NLRP14: variants seen among roughly 807,000 people sequenced by gnomAD.
NLRP14 encodes the protein NLR family pyrin domain containing 14.
A neutral mutation model predicts 94.7 loss-of-function variants in NLRP14; 105 were observed. The observed-to-expected ratio is 1.11, with a 90% CI of 0.95 to 1.30. NLRP14 has a LOEUF of 1.30. NLRP14 is among the 50% of genes most tolerant of loss of function. NLRP14 has a pLI of 0.00. For synonymous variants in NLRP14, 508 were observed against 459.9 expected, an observed-to-expected ratio of 1.10 and a Z score of -1.34; for missense variants, 1,362 against 1,254.1, an observed-to-expected ratio of 1.09 and a Z score of -1.30.
At chr11:7,021,044 C>T (rs1167875077) in intron 1 of NLRP14, among the ~76,000 whole-genome samples, 4 of 152,142 alleles carry the variant, frequency 2.6e-5, no homozygotes, top group African/African-American at 9.7e-5. Flanking sequence ...GGGCCCTGTC[C>T]TTCAAACTTG....
At chr11:7,051,810 A>G (rs958923288) in intron 6 of NLRP14, among the ~76,000 whole-genome samples, 1 of 152,078 alleles carries the variant, frequency 6.6e-6, no homozygotes, top group Non-Finnish European at 1.5e-5. Flanking sequence ...TTTAGTAGAG[A>G]TGGGGTTTCA....
chr11:7,061,559 G>A (rs1007620833), intron 9 of NLRP14, among the ~76,000 whole-genome samples: 2 of 152,018 alleles, frequency 1.3e-5, no homozygotes, highest in African/African-American at 4.8e-5. Context: ...TTAAGGTGAT[G>A]CTTTTGTCCC....
At chr11:7,057,608 A>T in intron 6 of NLRP14, 69 bp from the exon 7 acceptor site, 1 of 1,409,438 alleles carries the variant, frequency 7.1e-7, no homozygotes, top group Non-Finnish European at 1.0e-6. Flanking sequence ...TACCTTTGGG[A>T]TCGGTAGGTG....
chr11:7,059,840 T>C lies in NLRP14; in HGVS notation c.2634-54T>C, dbSNP rs930162191. The C allele has an allele frequency of 4.8e-6, 7 of 1,459,998 alleles. No individual in the cohort carries two copies. In the Admixed American group the frequency reaches 1.2e-4, roughly 26 times the overall value. The allele number at this position is 1,459,998 out of a possible 1,614,324, so 90.4% of individuals were successfully genotyped here. A position where few individuals can be genotyped will look rare whatever the true frequency, so the allele number is the denominator to read the frequency against. On this transcript the variant is annotated intron_variant, in intron 8 of 11. Coordinates refer to ENST00000299481, the MANE Select transcript of NLRP14 (RefSeq NM_176822.4). Reference sequence around the variant, plus strand: ...CATGAAATCTCTTCAGAGAAAGAAATCTCTGGACAGTAGAGCAATGATTCC... The same window carrying C: ...CATGAAATCTCTTCAGAGAAAGAAACCTCTGGACAGTAGAGCAATGATTCC...
intron 1 of NLRP14, among the ~76,000 whole-genome samples, chr11:7,027,400 T>G (rs903145311): frequency 6.6e-6 from 1 of 152,064 alleles, no homozygotes; most frequent in Non-Finnish European, 1.5e-5. Flanking sequence ...TGTCTTCTTG[T>G]AGAGTCCTCA....
chr11:7,090,130 C>T, the NLRP14 span: 7 of 1,612,844 alleles, frequency 4.3e-6, no homozygotes, highest in South Asian at 3.3e-5. Flanking sequence ...GACCGCTACT[C>T]GAGGGGCCGA....
At position 7,059,762 on chromosome 11, in the gene NLRP14, G is replaced by A; in HGVS notation, c.2634-132G>A. ...GTTTCCCAAGTGAGACAGGCTGGCA[G>A]TGAGGGTGTTTCATCTGAGATGGAA... On this transcript the variant is annotated intron_variant, in intron 8 of 11. Transcript: ENST00000299481. 4 of 766,732 alleles carry A rather than the reference G, an allele frequency of 5.2e-6. No homozygotes were observed. In the Admixed American group the frequency reaches 8.0e-5, roughly 15 times the overall value. The allele number at this position is 766,732 out of a possible 1,614,324, so 47.5% of individuals were successfully genotyped here.
intron 6 of NLRP14, 44 bp downstream of exon 6, chr11:7,049,882 G>C: frequency 6.5e-7 from 1 of 1,533,556 alleles, no homozygotes; most frequent in Non-Finnish European, 9.0e-7. Context: ...TTATAATTGA[G>C]GCTTTTGTCT....
the NLRP14 span, chr11:7,089,501 C>T: frequency 3.2e-6 from 4 of 1,230,942 alleles, no homozygotes; most frequent in Non-Finnish European, 3.0e-6. Flanking sequence ...GGGGCGGGCC[C>T]GATGATGACG....
Position 7,043,119 on chromosome 11 carries a change from A to C in NLRP14, c.1093A>C (p.Met365Leu). 1 of 1,614,214 alleles carries C rather than the reference A, an allele frequency of 6.2e-7. No homozygotes were observed. Among genetic ancestry groups the C allele is most frequent in the Non-Finnish European group, 8.5e-7 (1 of 1,180,036 alleles). The change falls in exon 4 of 12, where the codon ATG becomes CTG. Residue 365 changes from methionine to leucine, a missense_variant. By Grantham distance (15) the Met-to-Leu change is conservative (BLOSUM62 2). Transcript: ENST00000299481. The stretch of plus-strand genomic sequence containing the variant: ...AAAAAGCAATGAGATGCTGTTTAGC[A>C]TGTGCCAAGTCCCCCTAGTGTGCTG... ...SLKSNEMLFS[M>L]CQVPLVCWAA...
At chr11:7,058,828 A>G (rs1021050262) in intron 8 of NLRP14, among the ~76,000 whole-genome samples, 1 of 151,992 alleles carries the variant, frequency 6.6e-6, no homozygotes, top group Middle Eastern at 3.2e-3. Context: ...TCAGAACAGA[A>G]ATATAGCACT....
the NLRP14 span, among the ~76,000 whole-genome samples, chr11:7,078,793 A>AAAAAAT: frequency 6.6e-6 from 1 of 152,304 alleles, no homozygotes; most frequent in East Asian, 1.9e-4. Context: ...CGTCTCAAAA[A>AAAAAAT]AAAAATTGAT....
the NLRP14 span, among the ~76,000 whole-genome samples, chr11:7,083,332 A>G: frequency 6.6e-6 from 1 of 152,238 alleles, no homozygotes; most frequent in Admixed American, 6.5e-5. Flanking sequence ...TACTCTGAGG[A>G]AAATATCTCT....
chr11:7,049,529 AG>A, intron 5 of NLRP14, 141 bp from the exon 6 acceptor site: 1 of 676,300 alleles, frequency 1.5e-6, no homozygotes, highest in Non-Finnish European at 2.5e-6. Flanking sequence ...TAGAAATTGA[AG>A]TTATAACCCA....
Position 7,069,558 on chromosome 11 carries a change from G to A in NLRP14, c.2976-728G>A, listed in dbSNP as rs538747555. Among the ~76,000 whole-genome samples the A allele has an allele frequency of 2.6e-5, 4 of 152,228 alleles. No homozygotes were observed. The East Asian group carries it at 7.7e-4, about 29-fold the overall frequency. On this transcript the variant is annotated intron_variant, in intron 10 of 11. Coordinates refer to ENST00000299481, the MANE Select transcript of NLRP14 (RefSeq NM_176822.4). ...CAGCTGACCTAATGTATTCGAAATA[G>A]GCCATGTAATTGCATTTTTATTTGC...
intron 3 of NLRP14, among the ~76,000 whole-genome samples, chr11:7,041,280 T>TA (rs1852244185): frequency 6.6e-6 from 1 of 152,166 alleles, no homozygotes. Context: ...GCTATTTTTT[T>TA]AAAAAAGATT....
Position 7,030,776 on chromosome 11 carries a change from G to A in NLRP14, c.-21-7790G>A, listed in dbSNP as rs370668082. Among the ~76,000 whole-genome samples the A allele has an allele frequency of 8.5e-5, 13 of 152,340 alleles. No individual in the cohort carries two copies. In the South Asian group the frequency reaches 2.5e-3, roughly 29 times the overall value. ...CGAATAAAGGGACACTGCTTATTGG[G>A]AGTCAGCCAGTCTGGGAAAGGTCCT... On this transcript the variant is annotated intron_variant, in intron 1 of 11. Transcript: ENST00000299481.
Position 7,070,470 on chromosome 11 carries a change from G to C in NLRP14, c.3146+14G>C. ...ACAAGTTCTAGGGTAAGTCTCCATT[G>C]GCTTCTCAGGGGGAGCATTTCCTAT... On this transcript the variant is annotated intron_variant, in intron 11 of 11. Transcript: ENST00000299481. 1 of 1,596,452 alleles carries C rather than the reference G, an allele frequency of 6.3e-7. No homozygotes were observed. The highest frequency in any genetic ancestry group is 2.2e-5 in the East Asian group (1 of 44,694).
chr11:7,037,783 AG>A (rs1166294887), intron 1 of NLRP14, among the ~76,000 whole-genome samples: 1 of 152,208 alleles, frequency 6.6e-6, no homozygotes, highest in African/African-American at 2.4e-5. Flanking sequence ...GCAGCTTAAA[AG>A]TTTGAGTAGT....
Sources: gnomAD v4.1 joint callset for allele counts (sites outside exome capture counted in the v4.1 genomes callset) on GRCh38, gnomAD v4.1.1 for gene constraint, MANE v1.5 for transcripts, NCBI Gene and HGNC (gene_info 2026-07-23, HGNC 2026-07-21) for gene names.